The following MAPK10 variants were observed in gnomAD, a reference collection of about 807,000 sequenced individuals.
MAPK10 encodes mitogen-activated protein kinase 10, also known as JNK3 alpha protein kinase.
A neutral mutation model predicts 59.3 loss-of-function variants in MAPK10; 25 were observed. The ratio of observed to expected loss-of-function variants is 0.42; its 90% CI spans 0.31 to 0.59. The LOEUF is 0.59. MAPK10 is among the 20% of genes least tolerant of loss of function. The pLI is 0.15. For synonymous variants in MAPK10, 190 were observed against 200.5 expected (o/e 0.95, Z 0.44); for missense variants, 351 against 568.9 (o/e 0.62, Z 3.90).
chr4:86,320,173 T>C (rs1227541943), intron 2 of MAPK10, among the ~76,000 whole-genome samples: 1 of 152,224 alleles, frequency 6.6e-6, no homozygotes, highest in Admixed American at 6.5e-5. Flanking sequence ...GTTTTTCACA[T>C]CCGTAAAATG....
chr4:86,211,112 C>T (rs924935398), intron 2 of MAPK10, among the ~76,000 whole-genome samples: 2 of 151,798 alleles, frequency 1.3e-5, no homozygotes, highest in East Asian at 1.9e-4. Flanking sequence ...AGTGAACCAA[C>T]TTACACATTG....
At chr4:86,358,208 C>T in intron 1 of MAPK10, 1 of 984,960 alleles carries the variant, frequency 1.0e-6, no homozygotes, top group Non-Finnish European at 1.2e-6. Context: ...ATATGCTCAC[C>T]TAAAGTAGAA....
chr4:86,289,850 G>A (rs1481742738), intron 2 of MAPK10, among the ~76,000 whole-genome samples: 1 of 152,092 alleles, frequency 6.6e-6, no homozygotes, highest in African/African-American at 2.4e-5. Context: ...CTGTGGGATG[G>A]AAGAGCAGAA....
upstream of MAPK10, among the ~76,000 whole-genome samples, chr4:86,364,370 C>A (rs1210272670): frequency 6.6e-6 from 1 of 152,046 alleles, no homozygotes; most frequent in Non-Finnish European, 1.5e-5. Context: ...CTCAAGTGAT[C>A]CACCCACCTT....
intron 2 of MAPK10, among the ~76,000 whole-genome samples, chr4:86,262,470 A>T (rs2094032751): frequency 6.6e-6 from 1 of 152,206 alleles, no homozygotes; most frequent in South Asian, 2.1e-4. Flanking sequence ...GTTTAGGGCA[A>T]AGTAATGGCA....
At chr4:86,459,548 T>C (rs1751537944) in intron 1 of MAPK10, among the ~76,000 whole-genome samples, 1 of 152,210 alleles carries the variant, frequency 6.6e-6, no homozygotes, top group South Asian at 2.1e-4. Flanking sequence ...GAGATATGTA[T>C]ATATAGATAG....
intron 3 of MAPK10, among the ~76,000 whole-genome samples, chr4:86,181,375 T>A (rs1050036213): frequency 2.0e-5 from 3 of 152,108 alleles, no homozygotes; most frequent in African/African-American, 7.2e-5. Flanking sequence ...AATTAATTTG[T>A]ACCCTCTGTG....
At chr4:86,327,808 G>A (rs942411614) in intron 2 of MAPK10, 3 of 53,296 alleles carry the variant, frequency 5.6e-5, no homozygotes, top group African/African-American at 1.5e-4. Context: ...AAAAAAGCTG[G>A]GCATGGTGGT....
chr4:86,372,564 G>GGAAAAGAAAAGAAAAGA (rs1554253763), intron 1 of MAPK10, among the ~76,000 whole-genome samples: 9 of 78,716 alleles, frequency 1.1e-4, no homozygotes, highest in African/African-American at 3.1e-4. Context: ...AAGAAAGAAA[G>GGAAAAGAAAAGAAAAGA]AAAGAAAAGA....
intron 11 of MAPK10, among the ~76,000 whole-genome samples, chr4:86,051,205 T>A (rs72662010): frequency 0.036 from 5,551 of 152,248 alleles, 144 homozygotes; most frequent in Middle Eastern, 0.092. Context: ...GCCCTACCAT[T>A]AGAAAGGGAC....
chr4:86,214,521 A>AAC (rs1332258380), intron 2 of MAPK10, among the ~76,000 whole-genome samples: 1 of 149,204 alleles, frequency 6.7e-6, no homozygotes, highest in African/African-American at 2.5e-5. Flanking sequence ...TAAAAAAAAA[A>AAC]AAAAAAAAAA....
At chr4:86,137,133 G>A (rs2062382293) in intron 4 of MAPK10, among the ~76,000 whole-genome samples, 2 of 150,636 alleles carry the variant, frequency 1.3e-5, no homozygotes, top group African/African-American at 5.0e-5. Context: ...CAACGAGACA[G>A]AAGGTCAACA....
intron 1 of MAPK10, among the ~76,000 whole-genome samples, chr4:86,395,636 A>AT (rs1426893917): frequency 1.3e-5 from 2 of 152,198 alleles, no homozygotes; most frequent in East Asian, 3.9e-4. Context: ...CTGGGCTGCT[A>AT]TAACAGAATA....
chr4:86,373,557 T>G (rs2148995232), intron 1 of MAPK10, among the ~76,000 whole-genome samples: 1 of 152,064 alleles, frequency 6.6e-6, no homozygotes, highest in African/African-American at 2.4e-5. Context: ...TGAAACAAAT[T>G]TACAAGAAAA....
At chr4:86,538,043 A>G (rs971233661) in intron 1 of MAPK10, among the ~76,000 whole-genome samples, 2 of 152,152 alleles carry the variant, frequency 1.3e-5, no homozygotes, top group African/African-American at 4.8e-5. Context: ...CTTATGGGTA[A>G]TCAATTAACC....
chr4:86,412,774 C>T (rs1380309792), intron 1 of MAPK10, among the ~76,000 whole-genome samples: 2 of 152,172 alleles, frequency 1.3e-5, no homozygotes, highest in African/African-American at 4.8e-5. Context: ...GTCTTCTCTA[C>T]ACTGTTTATT....
At chr4:86,050,698 G>A (rs2148959110) in intron 11 of MAPK10, among the ~76,000 whole-genome samples, 1 of 152,218 alleles carries the variant, frequency 6.6e-6, no homozygotes, top group Non-Finnish European at 1.5e-5. Flanking sequence ...CTGTGACTAT[G>A]CATGTAAGAA....
intron 2 of MAPK10, among the ~76,000 whole-genome samples, chr4:86,228,732 CAT>C (rs2091072431): frequency 6.6e-6 from 1 of 152,100 alleles, no homozygotes; most frequent in African/African-American, 2.4e-5. Flanking sequence ...ATATCTGATC[CAT>C]GTTTGTATCC....
At chr4:86,516,909 C>A (rs191748297) in intron 1 of MAPK10, among the ~76,000 whole-genome samples, 79 of 152,234 alleles carry the variant, frequency 5.2e-4, no homozygotes, top group African/African-American at 1.7e-3. Flanking sequence ...TTATTTCTTT[C>A]TTTTGTCTGA....
Sources: gnomAD v4.1 joint callset for allele counts (sites outside exome capture counted in the v4.1 genomes callset) on GRCh38, gnomAD v4.1.1 for gene constraint, MANE v1.5 for transcripts, NCBI Gene and HGNC (gene_info 2026-07-23, HGNC 2026-07-21) for gene names.